The following CD38 variants were observed in gnomAD, a reference collection of about 807,000 sequenced individuals.
CD38 encodes the protein ADP-ribosyl cyclase/cyclic ADP-ribose hydrolase 1.
In CD38, 31 loss-of-function variants were observed where a neutral mutation model predicts 36.3. The ratio of observed to expected loss-of-function variants is 0.85; its 90% confidence interval spans 0.64 to 1.15. The LOEUF is 1.15. CD38 is among the 50% of genes most tolerant of loss of function. The pLI, the probability that CD38 is intolerant of heterozygous loss-of-function variation, is 0.00. For missense variants in CD38, 380 were observed against 371.9 expected, an observed-to-expected ratio of 1.02 and a Z score of -0.18; for synonymous variants, 131 against 135.2, an observed-to-expected ratio of 0.97 and a Z score of 0.22.
At chr4:15,788,436 C>G (rs990433721) in intron 1 of CD38, among the ~76,000 whole-genome samples, 3 of 152,064 alleles carry the variant, frequency 2.0e-5, no homozygotes, top group Non-Finnish European at 4.4e-5. Context: ...CACCTTCAGT[C>G]CTGGGAGCTT....
rs530962009 is a variant in CD38 at position 15,778,490 on chromosome 4, C to T, written c.76C>T (p.Leu26Phe). 1.9e-6 allele frequency: 3 copies of T among 1,613,912 alleles called. No individual in the cohort carries two copies. The highest frequency in any genetic ancestry group is 1.3e-5 in the African/African-American group (1 of 75,016). Residue 26 changes from leucine to phenylalanine, a missense_variant, in exon 1 of 8, where the codon CTT becomes TTT. Physicochemically the swap from Leu to Phe is conservative, Grantham distance 22. Transcript: ENST00000226279. The surrounding 1 kb of genome is among the most constrained non-coding windows in gnomAD (Gnocchi z 4.9). ...CRLSRRAQLCLGVSILVLILV... is the reference protein window; with the variant it reads ...CRLSRRAQLCFGVSILVLILV... ...GCTCTCTAGGAGAGCCCAACTCTGTCTTGGCGTCAGTATCCTGGTCCTGAT... is the reference window on the plus strand; with the variant it reads ...GCTCTCTAGGAGAGCCCAACTCTGTTTTGGCGTCAGTATCCTGGTCCTGAT...
intron 1 of CD38, among the ~76,000 whole-genome samples, chr4:15,784,625 C>T (rs1722771252): frequency 6.6e-6 from 1 of 152,184 alleles, no homozygotes; most frequent in African/African-American, 2.4e-5. Flanking sequence ...TGACCACCTG[C>T]TCAACATCAG....
At chr4:15,818,603 C>T (rs1361574854) in intron 2 of CD38, among the ~76,000 whole-genome samples, 3 of 152,182 alleles carry the variant, frequency 2.0e-5, no homozygotes, top group African/African-American at 7.2e-5. Flanking sequence ...TACAGGAGAG[C>T]TCCGGCTGGC....
At chr4:15,788,513 C>G (rs1722890489) in intron 1 of CD38, among the ~76,000 whole-genome samples, 1 of 151,930 alleles carries the variant, frequency 6.6e-6, no homozygotes, top group South Asian at 2.1e-4. Flanking sequence ...GGATGAGAAG[C>G]CAGATGAAGA....
rs551441418 is a variant in CD38 at position 15,799,291 on chromosome 4, G to T, written c.234-17220G>T. ...CATCCTTTATCGAGGGTTTTCTGAT[G>T]CCACTTCTGTTGCATCTTGTGTTTC... On this transcript the variant is annotated intron_variant, in intron 1 of 7. Coordinates refer to ENST00000226279, the MANE Select transcript of CD38 (RefSeq NM_001775.4). Among the ~76,000 whole-genome samples, 8 of 152,226 alleles carry T rather than the reference G, an allele frequency of 5.3e-5. No homozygotes were observed. In the East Asian group the frequency reaches 1.5e-3, roughly 29 times the overall value.
In CD38 at chr4:15,812,972, T is replaced by G. The variant is rs185209104; in HGVS notation, c.234-3539T>G. Reference sequence around the variant, plus strand: ...ATTTTTGTACACTGATTTTGTAACCTGAAACCTTGCTGACCATGTTTACTC... The same window carrying G: ...ATTTTTGTACACTGATTTTGTAACCGGAAACCTTGCTGACCATGTTTACTC... On this transcript the variant is annotated intron_variant, in intron 1 of 7. Transcript: ENST00000226279. Among the ~76,000 whole-genome samples the G allele has an allele frequency of 3.3e-5, 5 of 152,334 alleles. No homozygotes were observed. The East Asian group carries it at 7.7e-4, about 23-fold the overall frequency.
chr4:15,782,260 C>T (rs1337076485), intron 1 of CD38, among the ~76,000 whole-genome samples: 2 of 152,206 alleles, frequency 1.3e-5, no homozygotes, highest in Non-Finnish European at 2.9e-5. Context: ...AAACAATCAC[C>T]GGACCAGCCC....
intron 3 of CD38, among the ~76,000 whole-genome samples, chr4:15,827,831 C>A (rs908999186): frequency 5.3e-5 from 8 of 151,792 alleles, no homozygotes; most frequent in South Asian, 2.1e-4. Flanking sequence ...AATACTTTGG[C>A]CTCAATTTTT....
chr4:15,816,351 C>T (rs1723593455), intron 1 of CD38, among the ~76,000 whole-genome samples, 160 bp from the exon 2 acceptor site: 1 of 152,164 alleles, frequency 6.6e-6, no homozygotes, highest in Non-Finnish European at 1.5e-5. Flanking sequence ...ACCAGCTCCT[C>T]TTTGTACCCC....
chr4:15,811,527 TG>T (rs1485400532), intron 1 of CD38, among the ~76,000 whole-genome samples: 3 of 152,148 alleles, frequency 2.0e-5, no homozygotes, highest in African/African-American at 7.2e-5. Flanking sequence ...TGAAAAGTGT[TG>T]TTTTTTTTTT....
At chr4:15,825,083 G>C (rs1235679697) in intron 3 of CD38, 67 bp downstream of exon 3, 1 of 1,502,046 alleles carries the variant, frequency 6.7e-7, no homozygotes, top group Non-Finnish European at 9.0e-7. Flanking sequence ...TTCTGCTGGA[G>C]GCCCTGAATG....
rs1341650912 is a variant in CD38, at chr4:15,851,130, G to C, written c.*2528G>C. Reference sequence around the variant, plus strand: ...CTTTAGAGGGTCCCAGGGAGCCACAGAGGTGGTGAGGGGCTGGGTGCTCTT... The same window carrying C: ...CTTTAGAGGGTCCCAGGGAGCCACACAGGTGGTGAGGGGCTGGGTGCTCTT... On this transcript the variant is annotated 3_prime_UTR_variant, in exon 8 of 8. Coordinates refer to ENST00000226279, the MANE Select transcript of CD38 (RefSeq NM_001775.4). 1.3e-5 allele frequency: 2 copies of C among 152,372 alleles called. No individual in the cohort carries two copies. Among genetic ancestry groups the C allele is most frequent in the Non-Finnish European group, 2.9e-5 (2 of 68,198 alleles). 9.4% of individuals were successfully genotyped at this position (152,372 alleles called of 1,614,324 possible).
chr4:15,852,316 C>T lies in CD38; in HGVS notation c.*3714C>T, dbSNP rs1050746269. The T allele has an allele frequency of 6.6e-6, 1 of 152,232 alleles. No individual in the cohort carries two copies. 9.4% of individuals were successfully genotyped at this position (152,232 alleles called of 1,614,324 possible). A position where few individuals can be genotyped will look rare whatever the true frequency, so the allele number is the denominator to read the frequency against. On this transcript the variant is annotated 3_prime_UTR_variant, in exon 8 of 8. Transcript: ENST00000226279. ...TAGCTCTTGTTTGGAAGAAGCTCAA[C>T]CCATGTCTGCACACTGTGATACAAG...
intron 6 of CD38, 27 bp downstream of exon 6, chr4:15,840,145 TG>T: frequency 1.4e-6 from 2 of 1,463,272 alleles, no homozygotes; most frequent in Non-Finnish European, 1.9e-6. Context: ...TGTACCCAAG[TG>T]TTATTTTATG....
chr4:15,779,517 C>T (rs1373154148), intron 1 of CD38, among the ~76,000 whole-genome samples: 2 of 152,140 alleles, frequency 1.3e-5, no homozygotes, highest in African/African-American at 2.4e-5. Context: ...GCAGGGGGAG[C>T]TGCTACTTTA....
chr4:15,781,179 A>T (rs1722688279), intron 1 of CD38, among the ~76,000 whole-genome samples: 1 of 152,176 alleles, frequency 6.6e-6, no homozygotes, highest in Non-Finnish European at 1.5e-5. Context: ...AACCTATAAG[A>T]TCATTAGGTA....
Position 15,850,681 on chromosome 4 carries a change from G to A in CD38, c.*2079G>A, listed in dbSNP as rs148865146. 1 of 152,326 alleles carries A rather than the reference G, an allele frequency of 6.6e-6. No individual in the cohort carries two copies. The highest frequency in any genetic ancestry group is 1.5e-5 in the Non-Finnish European group (1 of 68,092). 9.4% of individuals were successfully genotyped at this position (152,326 alleles called of 1,614,324 possible). A position where few individuals can be genotyped will look rare whatever the true frequency, so the allele number is the denominator to read the frequency against. On this transcript the variant is annotated 3_prime_UTR_variant, in exon 8 of 8. Coordinates refer to ENST00000226279, the MANE Select transcript of CD38 (RefSeq NM_001775.4). ...TTTGTAGCTGTAGCCACCATGGTCAGTCCAGGGATTCTTCACTAGCCCCTT... is the reference window on the plus strand; with the variant it reads ...TTTGTAGCTGTAGCCACCATGGTCAATCCAGGGATTCTTCACTAGCCCCTT...
chr4:15,820,154 C>T (rs781620629), intron 2 of CD38, among the ~76,000 whole-genome samples: 18 of 152,148 alleles, frequency 1.2e-4, no homozygotes, highest in Non-Finnish European at 2.1e-4. Context: ...TAAGGGAATT[C>T]GTCACCACCA....
intron 7 of CD38, 85 bp from the exon 8 acceptor site, chr4:15,848,453 TA>T: frequency 3.1e-6 from 3 of 960,966 alleles, no homozygotes; most frequent in African/African-American, 1.6e-5. Flanking sequence ...TTGTCGTCGC[TA>T]AAAAAGGGGC....
Sources: gnomAD v4.1 joint callset for allele counts (sites outside exome capture counted in the v4.1 genomes callset) on GRCh38, gnomAD v4.1.1 for gene constraint, Gnocchi (gnomAD v3.1) non-coding constraint, MANE v1.5 for transcripts, NCBI Gene and HGNC (gene_info 2026-07-23, HGNC 2026-07-21) for gene names.